Variants in PLPPR1 observed in about 807,000 individuals in gnomAD.
PLPPR1 encodes phospholipid phosphatase related 1.
Under a neutral mutation model 33.1 loss-of-function variants are expected in PLPPR1, and 10 were observed. The observed-to-expected ratio is 0.30, with a 90% confidence interval of 0.19 to 0.51. The LOEUF is 0.51. Ranked by LOEUF, PLPPR1 falls within the 20% of genes least tolerant of loss-of-function variation. The pLI, the probability that PLPPR1 is intolerant of heterozygous loss-of-function variation, is 0.97. For missense variants in PLPPR1, 304 were observed against 408.1 expected, an observed-to-expected ratio of 0.74 and a Z score of 2.20; for synonymous variants, 151 against 151.0, an observed-to-expected ratio of 1.00 and a Z score of 0.00.
chr9:101,267,988 G>C (rs1828028041), intron 2 of PLPPR1, among the ~76,000 whole-genome samples: 1 of 152,046 alleles, frequency 6.6e-6, no homozygotes, highest in Middle Eastern at 3.2e-3. Flanking sequence ...ATCATTCTCA[G>C]CAAACTATCG....
At chr9:101,276,867 C>T (rs1335230075) in intron 3 of PLPPR1, among the ~76,000 whole-genome samples, 1 of 152,238 alleles carries the variant, frequency 6.6e-6, no homozygotes, top group Non-Finnish European at 1.5e-5. Flanking sequence ...ATCATCCAAA[C>T]AGCCTTGGTT....
At chr9:101,319,233 G>A (rs1829110218) in intron 7 of PLPPR1, among the ~76,000 whole-genome samples, 2 of 152,206 alleles carry the variant, frequency 1.3e-5, no homozygotes, top group Non-Finnish European at 2.9e-5. Context: ...CTGGAGTGCA[G>A]TGGCACAATC....
intron 1 of PLPPR1, among the ~76,000 whole-genome samples, chr9:101,045,064 A>G (rs555698320): frequency 4.6e-5 from 7 of 152,296 alleles, no homozygotes; most frequent in South Asian, 4.1e-4. Flanking sequence ...GTCTGAGCTG[A>G]TCCAAAAGGA....
intron 2 of PLPPR1, among the ~76,000 whole-genome samples, chr9:101,259,763 C>T (rs947501995): frequency 3.9e-5 from 6 of 152,056 alleles, no homozygotes; most frequent in Non-Finnish European, 7.4e-5. Context: ...TCCAGAAAGG[C>T]GGGACAACTT....
chr9:101,207,714 C>A (rs912984174), intron 2 of PLPPR1, among the ~76,000 whole-genome samples: 4 of 152,164 alleles, frequency 2.6e-5, no homozygotes, highest in Admixed American at 2.6e-4. Context: ...CTGATAGAAC[C>A]ATTATCTACC....
intron 6 of PLPPR1, among the ~76,000 whole-genome samples, chr9:101,316,361 C>T (rs958580609): frequency 7.3e-5 from 11 of 151,628 alleles, no homozygotes; most frequent in African/African-American, 2.2e-4. Context: ...GGCATGAACC[C>T]GGGAGGCAGA....
intron 1 of PLPPR1, among the ~76,000 whole-genome samples, chr9:101,126,822 C>T (rs1588038679): frequency 6.6e-6 from 1 of 152,152 alleles, no homozygotes; most frequent in Non-Finnish European, 1.5e-5. Context: ...TGCTCATCCT[C>T]CTCTTCCTCA....
At chr9:101,213,175 C>T (rs1826719540) in intron 2 of PLPPR1, among the ~76,000 whole-genome samples, 1 of 152,156 alleles carries the variant, frequency 6.6e-6, no homozygotes, top group Non-Finnish European at 1.5e-5. Context: ...CTCGATCATT[C>T]CTTTAATGCA....
At chr9:101,114,547 T>C (rs774499275) in intron 1 of PLPPR1, among the ~76,000 whole-genome samples, 3 of 152,162 alleles carry the variant, frequency 2.0e-5, no homozygotes, top group African/African-American at 4.8e-5. Context: ...TCACTCTCCT[T>C]TCTTCCTGTC....
intron 1 of PLPPR1, among the ~76,000 whole-genome samples, chr9:101,108,947 T>C (rs1831013817): frequency 6.8e-6 from 1 of 146,124 alleles, no homozygotes; most frequent in African/African-American, 2.5e-5. Flanking sequence ...AAAGCTCTTT[T>C]TTGTCTTCAA....
intron 2 of PLPPR1, among the ~76,000 whole-genome samples, chr9:101,231,430 G>A (rs1474512691): frequency 6.6e-6 from 1 of 151,314 alleles, no homozygotes; most frequent in Non-Finnish European, 1.5e-5. Context: ...ATCAAGCAGA[G>A]ATTTAGCACA....
At chr9:101,061,996 A>G (rs1293593752) in intron 1 of PLPPR1, among the ~76,000 whole-genome samples, 4 of 152,046 alleles carry the variant, frequency 2.6e-5, no homozygotes, top group Non-Finnish European at 5.9e-5. Context: ...ACTTGTGAAC[A>G]GCTGCATTTT....
At chr9:101,033,983 G>A (rs940726146) in intron 1 of PLPPR1, among the ~76,000 whole-genome samples, 35 of 152,224 alleles carry the variant, frequency 2.3e-4, no homozygotes, top group Non-Finnish European at 3.1e-4. Context: ...GTGACCATTA[G>A]GAAAGCAATT....
intron 2 of PLPPR1, among the ~76,000 whole-genome samples, chr9:101,259,146 G>C (rs571360578): frequency 2.0e-5 from 3 of 152,028 alleles, no homozygotes; most frequent in African/African-American, 7.2e-5. Context: ...AGACACTGGA[G>C]GAAGGAAGTA....
intron 1 of PLPPR1, among the ~76,000 whole-genome samples, chr9:101,072,032 G>C (rs915985666): frequency 1.3e-5 from 2 of 152,162 alleles, no homozygotes; most frequent in Non-Finnish European, 2.9e-5. Context: ...GTTTGGAGAA[G>C]ATACACATGA....
intron 1 of PLPPR1, among the ~76,000 whole-genome samples, chr9:101,146,316 G>C (rs1056261851): frequency 3.3e-5 from 5 of 152,168 alleles, no homozygotes; most frequent in East Asian, 1.9e-4. Context: ...AGAGCCTTCA[G>C]AACAGTCTTG....
chr9:101,080,656 A>G (rs527880666), intron 1 of PLPPR1, among the ~76,000 whole-genome samples: 18 of 152,312 alleles, frequency 1.2e-4, no homozygotes, highest in Admixed American at 9.8e-4. Flanking sequence ...CCCCAGAGAA[A>G]TCTCTTCTAA....
intron 7 of PLPPR1, 43 bp from the exon 8 acceptor site, chr9:101,323,982 G>C: frequency 1.3e-6 from 2 of 1,594,794 alleles, no homozygotes; most frequent in Non-Finnish European, 1.7e-6. Flanking sequence ...CACGTGTCAG[G>C]CAACCCTATC....
At chr9:101,156,308 G>T (rs1831684976) in intron 1 of PLPPR1, among the ~76,000 whole-genome samples, 1 of 152,072 alleles carries the variant, frequency 6.6e-6, no homozygotes, top group South Asian at 2.1e-4. Context: ...CCAGTAATTT[G>T]AGAGGCCAAG....
Sources: gnomAD v4.1 joint callset for allele counts (sites outside exome capture counted in the v4.1 genomes callset) on GRCh38, gnomAD v4.1.1 for gene constraint, MANE v1.5 for transcripts, NCBI Gene and HGNC (gene_info 2026-07-23, HGNC 2026-07-21) for gene names.